The following RERE variants were observed in gnomAD, a reference collection of about 807,000 sequenced individuals.
RERE encodes the protein arginine-glutamic acid dipeptide repeats.
A neutral mutation model predicts 146.1 loss-of-function variants in RERE; 40 were observed. The ratio of observed to expected loss-of-function variants is 0.27; its 90% CI spans 0.21 to 0.36. The LOEUF (loss-of-function observed/expected upper bound fraction) is 0.36. RERE is among the 10% of genes least tolerant of loss of function. RERE has a pLI of 1.00. For missense variants in RERE, 1,933 were observed against 2,138.7 expected (o/e 0.90, Z 1.90); for synonymous variants, 1,003 against 866.0 (o/e 1.16, Z -2.78).
chr1:8,667,340 G>C (rs1638599454), intron 1 of RERE, among the ~76,000 whole-genome samples: 1 of 152,166 alleles, frequency 6.6e-6, no homozygotes, highest in Admixed American at 6.5e-5. Flanking sequence ...TGCCCCAGGA[G>C]GTTTCCAATA....
intron 11 of RERE, chr1:8,434,745 A>G (rs556052875): frequency 2.0e-5 from 3 of 152,384 alleles, no homozygotes; most frequent in African/African-American, 7.2e-5. Flanking sequence ...GAGCTGCCAG[A>G]TTAAACAGTC....
intron 12 of RERE, among the ~76,000 whole-genome samples, chr1:8,403,351 T>C (rs1262176959): frequency 1.3e-5 from 2 of 152,178 alleles, no homozygotes; most frequent in East Asian, 1.9e-4. Flanking sequence ...AATTCTCTCC[T>C]GCACTGGCTC....
In RERE at chr1:8,647,642, T is replaced by TATGTGTGTGG. The variant is rs58981711; in HGVS notation, c.325+8330_325+8331insCCACACACAT. On this transcript the variant is annotated intron_variant, in intron 2 of 22. Coordinates refer to ENST00000400908, the MANE Select transcript of RERE (RefSeq NM_001042681.2). ...AATGAGCTTCTATTTAAAATATGTATGTGTGTGTGTGTGTGTGTGTGTGTG... is the reference window on the plus strand; with the variant it reads ...AATGAGCTTCTATTTAAAATATGTATATGTGTGTGGGTGTGTGTGTGTGTGTGTGTGTGTG... Among the ~76,000 whole-genome samples, 23 of 5,070 alleles carry TATGTGTGTGG rather than the reference T, an allele frequency of 4.5e-3. 1 individual carries two copies. The highest frequency in any genetic ancestry group is 0.044 in the South Asian group (23 of 522). The allele number at this position is 5,070 out of a possible 152,430, so 3.3% of individuals were successfully genotyped here. A position where few individuals can be genotyped will look rare whatever the true frequency, so the allele number is the denominator to read the frequency against.
chr1:8,361,276 G>A lies in RERE; in HGVS notation c.2231C>T (p.Pro744Leu), dbSNP rs370285833. 5.2e-5 allele frequency: 83 copies of A among 1,595,306 alleles called. No homozygotes were observed. The highest frequency in any genetic ancestry group is 6.7e-5 in the Non-Finnish European group (78 of 1,171,472). ...LQAQPPALQA[P>L]TGVTPAPSSA... is the part of the protein sequence containing the mutation. ...GGAGGGAGCTGGGGTGACCCCAGTG[G>A]GAGCCTGCAAGGCTGGGGGCTGGGC... Residue 744 changes from proline (P) to leucine (L), a missense_variant, in exon 18 of 23, where the codon CCC becomes CTC. Pro to Leu is a moderately conservative substitution (Grantham distance 98, BLOSUM62 -3). Coordinates refer to ENST00000400908, the MANE Select transcript of RERE (RefSeq NM_001042681.2).
rs911625911 is a variant in RERE, at chr1:8,392,317, A to G, written c.1285-26343T>C. Among the ~76,000 whole-genome samples the G allele has an allele frequency of 2.0e-5, 3 of 152,256 alleles. No individual in the cohort carries two copies. In the South Asian group the frequency reaches 6.2e-4, roughly 32 times the overall value. Reference sequence around the variant, plus strand: ...GAAATAAACAAAATACACAATTGAAAAAATAAAAAAAGGTGAATCTAACAA... The same window carrying G: ...GAAATAAACAAAATACACAATTGAAGAAATAAAAAAAGGTGAATCTAACAA... On this transcript the variant is annotated intron_variant, in intron 12 of 22. Transcript: ENST00000400908.
chr1:8,618,685 T>C (rs1405522093), intron 3 of RERE, among the ~76,000 whole-genome samples: 2 of 152,328 alleles, frequency 1.3e-5, no homozygotes, highest in South Asian at 2.1e-4. Context: ...GTGTGTACAC[T>C]TGAATGTGTG....
At chr1:8,585,112 A>C (rs1369964322) in intron 4 of RERE, among the ~76,000 whole-genome samples, 2 of 146,212 alleles carry the variant, frequency 1.4e-5, no homozygotes, top group Non-Finnish European at 3.0e-5. Flanking sequence ...ATGCCACTGC[A>C]CTCCAGCCTG....
chr1:8,550,502 G>C (rs1304860794), intron 6 of RERE, among the ~76,000 whole-genome samples: 1 of 152,194 alleles, frequency 6.6e-6, no homozygotes, highest in African/African-American at 2.4e-5. Context: ...ACTCCTTACA[G>C]AACTTGCAGG....
intron 1 of RERE, among the ~76,000 whole-genome samples, chr1:8,712,360 T>G (rs972199577): frequency 5.3e-5 from 8 of 152,200 alleles, no homozygotes; most frequent in Non-Finnish European, 2.9e-5. Context: ...TGGGCTAACT[T>G]CTAACGTTTA....
intron 1 of RERE, among the ~76,000 whole-genome samples, chr1:8,709,056 G>C (rs1391670243): frequency 3.0e-4 from 46 of 151,268 alleles, no homozygotes; most frequent in Admixed American, 3.0e-3. Flanking sequence ...GGAACTACAG[G>C]TGCCCGCCAC....
At chr1:8,564,818 GTGTGTATA>G (rs377710679) in intron 4 of RERE, among the ~76,000 whole-genome samples, 17 of 124,178 alleles carry the variant, frequency 1.4e-4, no homozygotes, top group African/African-American at 2.3e-4. Flanking sequence ...GTATGTATGT[GTGTGTATA>G]TGTGTATGTG....
intron 20 of RERE, among the ~76,000 whole-genome samples, chr1:8,357,128 C>T (rs367695800): frequency 8.5e-5 from 13 of 152,338 alleles, no homozygotes; most frequent in East Asian, 1.9e-4. Flanking sequence ...ACGTGGCACA[C>T]GTCTTTCAAC....
At chr1:8,594,220 G>A (rs1475499108) in intron 4 of RERE, among the ~76,000 whole-genome samples, 1 of 152,144 alleles carries the variant, frequency 6.6e-6, no homozygotes, top group Non-Finnish European at 1.5e-5. Flanking sequence ...CTTGTCTAAA[G>A]TAACACAGCC....
At chr1:8,507,225 G>A (rs1013208444) in intron 8 of RERE, among the ~76,000 whole-genome samples, 1 of 152,204 alleles carries the variant, frequency 6.6e-6, no homozygotes, top group African/African-American at 2.4e-5. Context: ...GCCGTGAGCC[G>A]TGATCGTGCC....
At chr1:8,497,986 T>C (rs1468324414) in intron 8 of RERE, among the ~76,000 whole-genome samples, 1 of 152,240 alleles carries the variant, frequency 6.6e-6, no homozygotes, top group African/African-American at 2.4e-5. Flanking sequence ...CCTATTAGAA[T>C]AGTGTTACTC....
chr1:8,760,758 T>C (rs1640739627), intron 1 of RERE, among the ~76,000 whole-genome samples: 1 of 152,202 alleles, frequency 6.6e-6, no homozygotes, highest in Non-Finnish European at 1.5e-5. Context: ...TCAGTTATGC[T>C]AAATGAAAAC....
At chr1:8,710,728 G>T (rs935402911) in intron 1 of RERE, among the ~76,000 whole-genome samples, 1 of 152,106 alleles carries the variant, frequency 6.6e-6, no homozygotes, top group East Asian at 1.9e-4. Flanking sequence ...TGTTAGCCAG[G>T]ACGGTCTCAA....
At chr1:8,376,526 C>A (rs939817065) in intron 12 of RERE, among the ~76,000 whole-genome samples, 3 of 152,210 alleles carry the variant, frequency 2.0e-5, no homozygotes, top group Non-Finnish European at 4.4e-5. Flanking sequence ...GAGACAGACG[C>A]TGGGAGCCTA....
rs575300709 is a variant in RERE, at chr1:8,673,297, C to T, written c.-144-16856G>A. Among the ~76,000 whole-genome samples, 24 of 152,084 alleles carry T rather than the reference C, an allele frequency of 1.6e-4. No homozygotes were observed. In the South Asian group the frequency reaches 2.1e-3, roughly 13 times the overall value. On this transcript the variant is annotated intron_variant, in intron 1 of 22. Transcript: ENST00000400908. The stretch of plus-strand genomic sequence containing the variant: ...TTTTAGTACAGACAGGGTTTCACCA[C>T]GTTGGCCAGGCTGGTCTCGAACTCC...
Sources: allele counts gnomAD v4.1 joint callset (sites outside exome capture counted in the v4.1 genomes callset), GRCh38; gene constraint gnomAD v4.1.1; transcripts MANE v1.5; gene names NCBI Gene and HGNC (gene_info 2026-07-23, HGNC 2026-07-21).